Variants in PCDHA1 observed in about 807,000 individuals in gnomAD.
The protein encoded by PCDHA1 is protocadherin alpha-1.
Under a neutral mutation model 61.3 loss-of-function variants are expected in PCDHA1, and 42 were observed. The ratio of observed to expected loss-of-function variants is 0.69; its 90% confidence interval spans 0.54 to 0.89. The LOEUF (loss-of-function observed/expected upper bound fraction) is 0.89. Among genes scored for constraint, PCDHA1 ranks in the 40% least tolerant of loss-of-function variants. The pLI is 0.00. For missense variants in PCDHA1, 1,256 were observed against 1,235.3 expected (o/e 1.02, Z -0.25); for synonymous variants, 610 against 553.8 (o/e 1.10, Z -1.43).
chr5:140,985,268 A>G (rs1399255449), intron 3 of PCDHA1, among the ~76,000 whole-genome samples: 6 of 152,098 alleles, frequency 3.9e-5, no homozygotes, highest in African/African-American at 1.2e-4. Context: ...TTTCTGGACT[A>G]CTTTTCTGCA....
At chr5:140,919,910 A>C (rs1350361054) in intron 1 of PCDHA1, among the ~76,000 whole-genome samples, 1 of 152,204 alleles carries the variant, frequency 6.6e-6, no homozygotes. Flanking sequence ...GGATGAAATT[A>C]CCCTAAATTT....
chr5:140,912,746 A>T (rs1322674627), intron 1 of PCDHA1, among the ~76,000 whole-genome samples: 1 of 152,200 alleles, frequency 6.6e-6, no homozygotes, highest in Non-Finnish European at 1.5e-5. Flanking sequence ...TGGGTCTGTC[A>T]TAGATGGCTT....
At chr5:140,895,115 T>C (rs2064854715) in intron 1 of PCDHA1, among the ~76,000 whole-genome samples, 1 of 152,182 alleles carries the variant, frequency 6.6e-6, no homozygotes, top group Non-Finnish European at 1.5e-5. Flanking sequence ...CAAGAAGACA[T>C]TTGTTAGTTG....
intron 1 of PCDHA1, chr5:140,796,134 G>A (rs782407936): frequency 6.2e-7 from 1 of 1,614,140 alleles, no homozygotes; most frequent in Non-Finnish European, 8.5e-7. Context: ...GCTCCCTGAC[G>A]CCCCACGTCC....
chr5:140,871,298 C>G (rs987284077), intron 1 of PCDHA1: 1 of 1,613,894 alleles, frequency 6.2e-7, no homozygotes, highest in Non-Finnish European at 8.5e-7. Flanking sequence ...GGCGCGTGCG[C>G]GCCGGGGAAG....
chr5:140,842,949 C>G lies in PCDHA1; in HGVS notation c.2394+54265C>G, dbSNP rs6889154. On this transcript the variant is annotated intron_variant, in intron 1 of 3. Coordinates refer to ENST00000504120, the MANE Select transcript of PCDHA1 (RefSeq NM_018900.4). ...GTGAGCGCGCGCGACGCGGGCGTGC[C>G]GCCTCTGGGCAGCAACGTGACGCTG... 8 of 1,594,550 alleles carry G rather than the reference C, an allele frequency of 5.0e-6. 1 individual carries two copies. The highest frequency in any genetic ancestry group is 1.3e-5 in the African/African-American group (1 of 74,346).
intron 1 of PCDHA1, chr5:140,870,539 G>C (rs367673976): frequency 1.2e-5 from 20 of 1,614,040 alleles, no homozygotes; most frequent in Admixed American, 1.7e-5. Context: ...GTGTCGGCGC[G>C]GGACGCGGAC....
chr5:140,817,033 C>A (rs1483368606), intron 1 of PCDHA1: 2 of 152,134 alleles, frequency 1.3e-5, no homozygotes, highest in Admixed American at 1.3e-4. Context: ...AGAGAGAGTG[C>A]TGAGCTGAGT....
At chr5:140,943,278 G>A (rs246067) in intron 1 of PCDHA1, among the ~76,000 whole-genome samples, 37,737 of 121,894 alleles carry the variant, frequency 0.31, 6,744 homozygotes, top group East Asian at 0.43. Flanking sequence ...AAAAAAAAAA[G>A]AAAGAAAGAA....
At chr5:140,978,713 A>G (rs2096819329) in intron 1 of PCDHA1, among the ~76,000 whole-genome samples, 1 of 152,272 alleles carries the variant, frequency 6.6e-6, no homozygotes, top group Admixed American at 6.5e-5. Flanking sequence ...GGCCTTTACA[A>G]GATTATTAAA....
intron 1 of PCDHA1, among the ~76,000 whole-genome samples, chr5:140,891,271 G>A (rs782182381): frequency 7.9e-5 from 12 of 151,678 alleles, no homozygotes; most frequent in South Asian, 4.2e-4. Flanking sequence ...TAATTTTTCC[G>A]TAAGTTATTG....
chr5:140,928,533 T>C (rs112671808), intron 1 of PCDHA1: 1 of 1,614,230 alleles, frequency 6.2e-7, no homozygotes, highest in African/African-American at 1.3e-5. Flanking sequence ...TTGTGGTAGA[T>C]AGGAATGACA....
Position 140,850,482 on chromosome 5 carries a change from G to T in PCDHA1, c.2394+61798G>T, listed in dbSNP as rs2150486061. On this transcript the variant is annotated intron_variant, in intron 1 of 3. Coordinates refer to ENST00000504120, the MANE Select transcript of PCDHA1 (RefSeq NM_018900.4). ...CGGGGAGCCAGCGCTGACGGCCACG[G>T]CCACTGTGCTGGTGTCGCTGGTGGA... 5 of 1,598,110 alleles carry T rather than the reference G, an allele frequency of 3.1e-6. No homozygotes were observed. The South Asian group carries it at 5.5e-5, about 18-fold the overall frequency.
At chr5:140,877,137 G>A in intron 1 of PCDHA1, 1 of 1,613,796 alleles carries the variant, frequency 6.2e-7, no homozygotes. Context: ...AGGTGTTCGT[G>A]CTGGACGAGA....
intron 1 of PCDHA1, chr5:140,926,711 C>T: frequency 1.1e-6 from 1 of 925,094 alleles, no homozygotes; most frequent in Non-Finnish European, 1.5e-6. Context: ...AGCTGGCCAG[C>T]CCCGGCAATG....
rs569728778 is a variant in PCDHA1 at position 140,900,297 on chromosome 5, T to G, written c.2395-78652T>G. 1.4e-4 allele frequency among the ~76,000 whole-genome samples: 22 copies of G among 151,920 alleles called. No individual in the cohort carries two copies. In the East Asian group the frequency reaches 4.1e-3, roughly 28 times the overall value. On this transcript the variant is annotated intron_variant, in intron 1 of 3. Transcript: ENST00000504120. Reference sequence around the variant, plus strand: ...TACCACACTTTCTTTTCTGTTTTTTTAGACAGTCTCACTTTTGTCGCCCAG... The same window carrying G: ...TACCACACTTTCTTTTCTGTTTTTTGAGACAGTCTCACTTTTGTCGCCCAG...
intron 1 of PCDHA1, chr5:140,794,774 C>T (rs775427816): frequency 2.4e-5 from 15 of 634,664 alleles, no homozygotes; most frequent in Admixed American, 6.4e-5. Flanking sequence ...AACAGTAGAG[C>T]CTTCCTTTTA....
rs145265581 is a variant in PCDHA1, at chr5:140,822,948, C to G, written c.2394+34264C>G. The G allele has an allele frequency of 1.9e-5, 31 of 1,614,076 alleles. No homozygotes were observed. In the African/African-American group the frequency reaches 2.4e-4, roughly 13 times the overall value. ...AGGTGACCTGCTCCCTAATGCCCCACGTTCCCTTCAAGCTGGTGTCCACCT... is the reference window on the plus strand; with the variant it reads ...AGGTGACCTGCTCCCTAATGCCCCAGGTTCCCTTCAAGCTGGTGTCCACCT... On this transcript the variant is annotated intron_variant, in intron 1 of 3. Coordinates refer to ENST00000504120, the MANE Select transcript of PCDHA1 (RefSeq NM_018900.4).
chr5:140,957,555 A>G (rs911734380), intron 1 of PCDHA1, among the ~76,000 whole-genome samples: 4 of 152,120 alleles, frequency 2.6e-5, no homozygotes, highest in Admixed American at 2.6e-4. Flanking sequence ...TTCTCTGTGG[A>G]AAAGGAGGGA....
Sources: allele counts gnomAD v4.1 joint callset (sites outside exome capture counted in the v4.1 genomes callset), GRCh38; gene constraint gnomAD v4.1.1; transcripts MANE v1.5; gene names NCBI Gene and HGNC (gene_info 2026-07-23, HGNC 2026-07-21).